MYH13: variants seen among roughly 807,000 people sequenced by gnomAD.
MYH13 encodes myosin-13.
Under a neutral mutation model 232.1 loss-of-function variants are expected in MYH13, and 177 were observed. The observed-to-expected ratio is 0.76, with a 90% CI of 0.67 to 0.86. The LOEUF (loss-of-function observed/expected upper bound fraction) is 0.86, where lower values mean the gene tolerates loss of function less well. Ranked by LOEUF, MYH13 falls within the 40% of genes least tolerant of loss-of-function variation. The probability of loss-of-function intolerance (pLI) is 0.00; values close to 1 mark genes in which losing one functional copy is unlikely to be tolerated. For synonymous variants in MYH13, 884 were observed against 923.5 expected, an observed-to-expected ratio of 0.96 and a Z score of 0.78; for missense variants, 2,246 against 2,405.9, an observed-to-expected ratio of 0.93 and a Z score of 1.39.
Position 10,301,550 on chromosome 17 carries a change from C to G in MYH13, c.5802+19G>C. ...ATCTGTTCTTAGCTGGCCCCTATAT[C>G]TCAGGTACCTGCTCTTACCTGGCTG... On this transcript the variant is annotated intron_variant, in intron 40 of 40. Coordinates refer to ENST00000252172, the MANE Select transcript of MYH13 (RefSeq NM_003802.3). The G allele has an allele frequency of 6.2e-7, 1 of 1,613,952 alleles. No individual in the cohort carries two copies. The highest frequency in any genetic ancestry group is 8.5e-7 in the Non-Finnish European group (1 of 1,179,904).
intron 16 of MYH13, among the ~76,000 whole-genome samples, chr17:10,343,097 A>G (rs1597384621): frequency 1.1e-5 from 1 of 90,992 alleles, no homozygotes; most frequent in South Asian, 3.3e-4. Context: ...TCAAAAAAAA[A>G]AAAAAAAAAA....
At chr17:10,347,858 C>T (rs1000784363) in intron 12 of MYH13, among the ~76,000 whole-genome samples, 3 of 151,718 alleles carry the variant, frequency 2.0e-5, no homozygotes, top group African/African-American at 7.3e-5. Flanking sequence ...GCTGGGATTA[C>T]AGGCACCCAC....
intron 21 of MYH13, among the ~76,000 whole-genome samples, chr17:10,328,977 C>A (rs1330226441): frequency 6.6e-6 from 1 of 152,112 alleles, no homozygotes; most frequent in Non-Finnish European, 1.5e-5. Flanking sequence ...CACAACCAGC[C>A]TGTATTCCTA....
rs754043056 is a variant in MYH13 at position 10,309,404 on chromosome 17, T to C, written c.4999A>G (p.Ser1667Gly). Residue 1667 changes from serine to glycine, a missense_variant, in exon 35 of 41, where the codon AGC (serine) becomes GGC (glycine). Ser to Gly is a moderately conservative substitution (Grantham distance 56). Transcript: ENST00000252172. ...AGCTGCTCCTTGAGGTCCTCATTGC[T>C]CCTCAGGGCGTCATCGAGATGCAGC... ...SQLHLDDALR[S>G]NEDLKEQLAI... The C allele has an allele frequency of 1.9e-6, 3 of 1,609,176 alleles. No individual in the cohort carries two copies. Among genetic ancestry groups the C allele is most frequent in the Non-Finnish European group, 2.5e-6 (3 of 1,177,710 alleles).
At chr17:10,315,458 A>AT (rs895950686) in intron 29 of MYH13, among the ~76,000 whole-genome samples, 10 of 151,286 alleles carry the variant, frequency 6.6e-5, no homozygotes, top group South Asian at 6.3e-4. Context: ...CACCCAGCTA[A>AT]TTTTTTTTTG....
intron 5 of MYH13, among the ~76,000 whole-genome samples, chr17:10,360,844 C>A (rs925238098): frequency 2.0e-5 from 3 of 152,120 alleles, no homozygotes; most frequent in African/African-American, 7.2e-5. Context: ...TGGAGACACA[C>A]AAGCACATGG....
Position 10,343,995 on chromosome 17 carries a change from T to C in MYH13, c.1699A>G (p.Lys567Glu). ...QHLGKSNNFQ[K>E]PKPAKGKAEA... ...GCCTTGCCTTTGGCAGGCTTGGGCTTCTGGAAGTTGTTGGATTTTCCAAGA... is the reference window on the plus strand; with the variant it reads ...GCCTTGCCTTTGGCAGGCTTGGGCTCCTGGAAGTTGTTGGATTTTCCAAGA... Residue 567 changes from lysine (K) to glutamate (E), a missense_variant, in exon 16 of 41, where the codon AAG becomes GAG. Coordinates refer to ENST00000252172, the MANE Select transcript of MYH13 (RefSeq NM_003802.3). The C allele has an allele frequency of 6.2e-7, 1 of 1,614,214 alleles. No homozygotes were observed. Among genetic ancestry groups the C allele is most frequent in the Non-Finnish European group, 8.5e-7 (1 of 1,180,036 alleles).
intron 29 of MYH13, among the ~76,000 whole-genome samples, chr17:10,315,346 G>A (rs1906662596): frequency 6.6e-6 from 1 of 152,184 alleles, no homozygotes; most frequent in Non-Finnish European, 1.5e-5. Context: ...AGGCTGGAGT[G>A]CAGTGGCGTG....
intron 18 of MYH13, among the ~76,000 whole-genome samples, chr17:10,334,659 A>G (rs973612108): frequency 6.6e-6 from 1 of 151,982 alleles, no homozygotes; most frequent in Admixed American, 6.6e-5. Context: ...TGGGTGGATC[A>G]CCTGAGGTCA....
intron 21 of MYH13, among the ~76,000 whole-genome samples, chr17:10,329,866 G>A (rs1357865937): frequency 2.0e-5 from 3 of 152,122 alleles, no homozygotes; most frequent in Non-Finnish European, 4.4e-5. Context: ...CGGGCGTGGT[G>A]GTGCATGCCT....
At chr17:10,353,352 T>C (rs1464718324) in intron 11 of MYH13, among the ~76,000 whole-genome samples, 1 of 152,192 alleles carries the variant, frequency 6.6e-6, no homozygotes, top group Admixed American at 6.5e-5. Flanking sequence ...TTTTTCTATT[T>C]GTGTTAAAAC....
intron 21 of MYH13, among the ~76,000 whole-genome samples, chr17:10,328,896 T>G (rs2142243229): frequency 6.6e-6 from 1 of 152,276 alleles, no homozygotes; most frequent in South Asian, 2.1e-4. Flanking sequence ...CAGGCTGGTC[T>G]TGAACTCCTG....
At chr17:10,347,053 T>C (rs1178661211) in intron 12 of MYH13, among the ~76,000 whole-genome samples, 2 of 152,168 alleles carry the variant, frequency 1.3e-5, no homozygotes, top group Non-Finnish European at 2.9e-5. Flanking sequence ...TTTGACCTAC[T>C]GATATTTCGA....
At chr17:10,359,022 A>G (rs1350871951) in intron 7 of MYH13, among the ~76,000 whole-genome samples, 1 of 152,232 alleles carries the variant, frequency 6.6e-6, no homozygotes. Context: ...GCTTTGCTCC[A>G]TGTGATACTG....
intron 18 of MYH13, among the ~76,000 whole-genome samples, chr17:10,338,732 G>A (rs1427637405): frequency 3.8e-5 from 5 of 132,712 alleles, no homozygotes; most frequent in Admixed American, 9.0e-5. Flanking sequence ...ACGGAGTTTC[G>A]CTCTGTCGCC....
In MYH13 at chr17:10,332,200, C is replaced by T. The variant is rs1181944671; in HGVS notation, c.2197G>A (p.Ala733Thr). Residue 733 changes from alanine to threonine, a missense_variant, in exon 20 of 41, where the codon GCT becomes ACT. Ala to Thr is a moderately conservative substitution (Grantham distance 58). Coordinates refer to ENST00000252172, the MANE Select transcript of MYH13 (RefSeq NM_003802.3). ...TCAATGAACTGCCCTTCAGGGATAGCACTGGCATTGAGGATCCGGTACCTA... is the reference window on the plus strand; with the variant it reads ...TCAATGAACTGCCCTTCAGGGATAGTACTGGCATTGAGGATCCGGTACCTA... The part of the protein sequence containing the change: ...KQRYRILNAS[A>T]IPEGQFIDSK... The T allele has an allele frequency of 6.2e-7, 1 of 1,613,854 alleles. No individual in the cohort carries two copies. Among genetic ancestry groups the T allele is most frequent in the Non-Finnish European group, 8.5e-7 (1 of 1,179,882 alleles).
chr17:10,372,706 A>G (rs1288192805), intron 1 of MYH13, among the ~76,000 whole-genome samples: 1 of 152,228 alleles, frequency 6.6e-6, no homozygotes. Context: ...TCAGAGGAGG[A>G]ATCATGCATT....
intron 1 of MYH13, among the ~76,000 whole-genome samples, chr17:10,372,519 G>T (rs953083226): frequency 2.0e-5 from 3 of 152,300 alleles, no homozygotes; most frequent in Non-Finnish European, 4.4e-5. Context: ...CACTTTGTAA[G>T]ATGGGTAAGA....
intron 24 of MYH13, 127 bp from the exon 25 acceptor site, chr17:10,320,623 T>C: frequency 9.6e-7 from 1 of 1,036,964 alleles, no homozygotes; most frequent in Non-Finnish European, 1.4e-6. Context: ...TGCAAGCCTC[T>C]GGCCCCAGGA....
Sources: gnomAD v4.1 joint callset for allele counts (sites outside exome capture counted in the v4.1 genomes callset) on GRCh38, gnomAD v4.1.1 for gene constraint, MANE v1.5 for transcripts, NCBI Gene and HGNC (gene_info 2026-07-23, HGNC 2026-07-21) for gene names.